FHAD1: variants seen among roughly 807,000 people sequenced by gnomAD.
The protein encoded by FHAD1 is forkhead-associated domain-containing protein 1.
In FHAD1, 146 loss-of-function variants were observed where a neutral mutation model predicts 191.3. The ratio of observed to expected loss-of-function variants is 0.76; its 90% CI spans 0.67 to 0.88. The LOEUF is 0.88. FHAD1 is among the 40% of genes least tolerant of loss of function. The probability of loss-of-function intolerance (pLI) is 0.00; values close to 1 mark genes in which losing one functional copy is unlikely to be tolerated. For synonymous variants in FHAD1, 616 were observed against 672.3 expected, an observed-to-expected ratio of 0.92 and a Z score of 1.29; for missense variants, 1,635 against 1,785.8, an observed-to-expected ratio of 0.92 and a Z score of 1.52.
At chr1:15,301,478 G>A in intron 6 of FHAD1, 37 bp downstream of exon 6, 1 of 1,540,648 alleles carries the variant, frequency 6.5e-7, no homozygotes, top group South Asian at 1.2e-5. Context: ...CAGCTCTCAG[G>A]CCAAGGCCCG....
chr1:15,238,929 C>T (rs568672363), intron 1 of FHAD1, among the ~76,000 whole-genome samples: 56 of 152,256 alleles, frequency 3.7e-4, no homozygotes, highest in Admixed American at 7.2e-4. Flanking sequence ...CTTTAAGAGA[C>T]GGGGGTCTCA....
chr1:15,383,404 T>A, intron 31 of FHAD1: 1 of 384,322 alleles, frequency 2.6e-6, no homozygotes, highest in Non-Finnish European at 5.2e-6. Flanking sequence ...GTCTCCTGGG[T>A]GAGTCCTGCC....
intron 23 of FHAD1, among the ~76,000 whole-genome samples, chr1:15,363,485 T>TG (rs1376715783): frequency 6.6e-6 from 1 of 152,218 alleles, no homozygotes; most frequent in African/African-American, 2.4e-5. Flanking sequence ...GCCACCTCAC[T>TG]GAGCCTTAGC....
At chr1:15,370,694 C>A (rs1435441410) in intron 26 of FHAD1, among the ~76,000 whole-genome samples, 6 of 152,172 alleles carry the variant, frequency 3.9e-5, no homozygotes, top group Non-Finnish European at 8.8e-5. Context: ...AGCAGGTGCT[C>A]ACACTCTGTC....
chr1:15,269,849 T>G (rs1294015141), intron 2 of FHAD1, among the ~76,000 whole-genome samples: 4 of 152,094 alleles, frequency 2.6e-5, no homozygotes, highest in Non-Finnish European at 5.9e-5. Context: ...TGTTGTTAGG[T>G]GCATGCACAT....
intron 4 of FHAD1, among the ~76,000 whole-genome samples, chr1:15,293,099 C>T (rs1278687757): frequency 6.6e-6 from 1 of 152,152 alleles, no homozygotes; most frequent in Non-Finnish European, 1.5e-5. Context: ...CCAGGGTCAT[C>T]TTGGAGACTG....
chr1:15,275,620 CTCTT>C (rs1328906925), intron 3 of FHAD1, among the ~76,000 whole-genome samples: 2 of 152,206 alleles, frequency 1.3e-5, no homozygotes, highest in Admixed American at 1.3e-4. Context: ...GACTGAGTTT[CTCTT>C]TCTGATGGCT....
Position 15,370,140 on chromosome 1 carries a change from C to T in FHAD1, c.3447+638C>T, listed in dbSNP as rs369718906. Reference sequence around the variant, plus strand: ...TACAGACGCACACCACCACACCTGACGAATTTTTGTATTTTTAGTACAGAT... The same window carrying T: ...TACAGACGCACACCACCACACCTGATGAATTTTTGTATTTTTAGTACAGAT... On this transcript the variant is annotated intron_variant, in intron 26 of 33. Transcript: ENST00000688493. Among the ~76,000 whole-genome samples, 13 of 152,206 alleles carry T rather than the reference C, an allele frequency of 8.5e-5. No individual in the cohort carries two copies. In the East Asian group the frequency reaches 1.4e-3, roughly 16 times the overall value.
intron 11 of FHAD1, 71 bp from the exon 12 acceptor site, chr1:15,326,988 C>T: frequency 9.9e-6 from 9 of 912,970 alleles, no homozygotes; most frequent in Admixed American, 2.1e-5. Flanking sequence ...CCGCACCCTG[C>T]CATGGAAACG....
At chr1:15,352,008 G>A (rs533347431) in intron 19 of FHAD1, among the ~76,000 whole-genome samples, 40 of 152,200 alleles carry the variant, frequency 2.6e-4, no homozygotes, top group African/African-American at 8.9e-4. Flanking sequence ...GCCCTGTAAC[G>A]ATTTTCATTC....
At chr1:15,323,707 T>C (rs907460468) in intron 10 of FHAD1, among the ~76,000 whole-genome samples, 1 of 152,008 alleles carries the variant, frequency 6.6e-6, no homozygotes, top group Non-Finnish European at 1.5e-5. Flanking sequence ...AGCTGCAGGG[T>C]CCTGTAATGG....
chr1:15,356,102 T>C (rs2102558448), intron 20 of FHAD1, among the ~76,000 whole-genome samples: 1 of 152,340 alleles, frequency 6.6e-6, no homozygotes, highest in Non-Finnish European at 1.5e-5. Context: ...ACCAAGTTAG[T>C]GATTGACACT....
intron 20 of FHAD1, among the ~76,000 whole-genome samples, chr1:15,353,866 G>C (rs138807486): frequency 6.6e-6 from 1 of 152,124 alleles, no homozygotes; most frequent in African/African-American, 2.4e-5. Flanking sequence ...TGTTATCACT[G>C]AGAATTGTAA....
At chr1:15,348,366 A>T (rs187417204) in intron 18 of FHAD1, among the ~76,000 whole-genome samples, 6 of 152,336 alleles carry the variant, frequency 3.9e-5, no homozygotes, top group Non-Finnish European at 7.4e-5. Flanking sequence ...GGCCCTTCTC[A>T]TGGTGACTGG....
At chr1:15,314,614 G>GGGTGTGGATATGTGTAGGTGT (rs1168702198) in intron 8 of FHAD1, 1 of 105,636 alleles carries the variant, frequency 9.5e-6, no homozygotes, top group Non-Finnish European at 2.1e-5. Flanking sequence ...TGGGTATGTG[G>GGGTGTGGATATGTGTAGGTGT]GTGTGGGTGT....
intron 7 of FHAD1, among the ~76,000 whole-genome samples, chr1:15,310,991 C>T (rs1384532380): frequency 1.3e-5 from 2 of 152,158 alleles, no homozygotes; most frequent in Non-Finnish European, 2.9e-5. Flanking sequence ...ACCAAACAAA[C>T]AGAAAAAAAT....
Position 15,381,905 on chromosome 1 carries a change from G to A in FHAD1, c.4023-123G>A, listed in dbSNP as rs1036963680. On this transcript the variant is annotated intron_variant, in intron 30 of 33. Transcript: ENST00000688493. The surrounding 1 kb of genome is among the most constrained non-coding windows in gnomAD (Gnocchi z 4.6). ...AAATCTTCGTCATGCTCTCCTGCTTGTGATGACACTCCTGAGTGAGCCCCC... is the reference window on the plus strand; with the variant it reads ...AAATCTTCGTCATGCTCTCCTGCTTATGATGACACTCCTGAGTGAGCCCCC... The A allele has an allele frequency of 3.8e-6, 4 of 1,051,196 alleles. No individual in the cohort carries two copies. In the African/African-American group the frequency reaches 6.5e-5, roughly 17 times the overall value. 65.1% of individuals were successfully genotyped at this position (1,051,196 alleles called of 1,614,324 possible). A position where few individuals can be genotyped will look rare whatever the true frequency, so the allele number is the denominator to read the frequency against.
At chr1:15,259,721 G>T (rs1333033868) in intron 2 of FHAD1, among the ~76,000 whole-genome samples, 2 of 152,132 alleles carry the variant, frequency 1.3e-5, no homozygotes, top group Non-Finnish European at 2.9e-5. Flanking sequence ...CAGGCTGCAG[G>T]TGTTTTCCTG....
intron 1 of FHAD1, among the ~76,000 whole-genome samples, chr1:15,238,483 A>G (rs1557881005): frequency 1.3e-5 from 2 of 152,208 alleles, no homozygotes; most frequent in Non-Finnish European, 2.9e-5. Context: ...GGAATTTGCT[A>G]TTCAATAAAC....
Sources: gnomAD v4.1 joint callset for allele counts (sites outside exome capture counted in the v4.1 genomes callset) on GRCh38, gnomAD v4.1.1 for gene constraint, Gnocchi (gnomAD v3.1) non-coding constraint, MANE v1.5 for transcripts, NCBI Gene and HGNC (gene_info 2026-07-23, HGNC 2026-07-21) for gene names.